The following IQCJ variants were observed in gnomAD, a reference collection of about 807,000 sequenced individuals.
The protein encoded by IQCJ is IQ motif containing J, also known as IQ domain-containing protein J.
Under a neutral mutation model 11.0 loss-of-function variants are expected in IQCJ, and 9 were observed. The ratio of observed to expected loss-of-function variants is 0.82; its 90% CI spans 0.49 to 1.43. The LOEUF (loss-of-function observed/expected upper bound fraction) is 1.43, where lower values mean the gene tolerates loss of function less well. IQCJ is among the 40% of genes most tolerant of loss of function. IQCJ has a pLI of 0.00. For missense variants in IQCJ, 146 were observed against 133.2 expected, an observed-to-expected ratio of 1.10 and a Z score of -0.47; for synonymous variants, 55 against 51.3, an observed-to-expected ratio of 1.07 and a Z score of -0.31.
chr3:159,202,708 G>A (rs2108070645), intron 1 of IQCJ, among the ~76,000 whole-genome samples: 1 of 152,196 alleles, frequency 6.6e-6, no homozygotes, highest in East Asian at 1.9e-4. Flanking sequence ...ATGTTGCCCA[G>A]GCCAGTTTCA....
intron 1 of IQCJ, among the ~76,000 whole-genome samples, chr3:159,184,671 C>G (rs1723284118): frequency 6.6e-6 from 1 of 152,188 alleles, no homozygotes; most frequent in South Asian, 2.1e-4. Context: ...CTGTTACATT[C>G]CATGGTTCTT....
downstream of IQCJ, among the ~76,000 whole-genome samples, chr3:159,264,874 G>A (rs554879149): frequency 2.2e-3 from 325 of 150,978 alleles, 4 homozygotes; most frequent in Middle Eastern, 3.4e-3. Flanking sequence ...CCGAGATTGC[G>A]CCACTGCACT....
intron 1 of IQCJ, among the ~76,000 whole-genome samples, chr3:159,169,655 G>A (rs921986320): frequency 6.6e-6 from 1 of 152,124 alleles, no homozygotes; most frequent in Non-Finnish European, 1.5e-5. Flanking sequence ...AAAAAGAGGG[G>A]CATTTAAGAA....
At chr3:159,092,816 A>T (rs1332924679) in intron 1 of IQCJ, among the ~76,000 whole-genome samples, 1 of 150,784 alleles carries the variant, frequency 6.6e-6, no homozygotes, top group East Asian at 1.9e-4. Flanking sequence ...TTTAGCCAGT[A>T]TAGTATATTG....
At chr3:159,226,615 C>A (rs150276700) in intron 1 of IQCJ, among the ~76,000 whole-genome samples, 1 of 152,124 alleles carries the variant, frequency 6.6e-6, no homozygotes, top group Non-Finnish European at 1.5e-5. Context: ...GGAACTTCTG[C>A]GAATCTTACT....
At chr3:159,170,856 T>A (rs1722450000) in intron 1 of IQCJ, among the ~76,000 whole-genome samples, 1 of 152,184 alleles carries the variant, frequency 6.6e-6, no homozygotes, top group South Asian at 2.1e-4. Flanking sequence ...AACAGTGAAG[T>A]CATCTGTCAT....
intron 1 of IQCJ, among the ~76,000 whole-genome samples, chr3:159,128,606 T>G (rs1267024404): frequency 6.6e-6 from 1 of 152,170 alleles, no homozygotes; most frequent in Non-Finnish European, 1.5e-5. Context: ...TGACCTCCCC[T>G]CTGTGTAAAA....
intron 1 of IQCJ, among the ~76,000 whole-genome samples, chr3:159,101,229 G>A (rs911589931): frequency 7.5e-4 from 111 of 147,572 alleles, no homozygotes; most frequent in African/African-American, 2.5e-3. Context: ...GCTTCGGCTC[G>A]CGCACGGTGC....
chr3:159,132,974 C>T (rs1359105848), intron 1 of IQCJ, among the ~76,000 whole-genome samples: 1 of 151,664 alleles, frequency 6.6e-6, no homozygotes, highest in South Asian at 2.1e-4. Flanking sequence ...TTTGAGCCAA[C>T]AAGCTCTGAG....
At chr3:159,264,732 C>T (rs370008980), downstream of IQCJ, among the ~76,000 whole-genome samples, 13 of 151,884 alleles carry the variant, frequency 8.6e-5, no homozygotes, top group East Asian at 3.9e-4. Context: ...GCTAACATAG[C>T]GAAACCCTGT....
intron 1 of IQCJ, among the ~76,000 whole-genome samples, chr3:159,233,591 A>C (rs1364051469): frequency 6.6e-6 from 1 of 152,216 alleles, no homozygotes; most frequent in African/African-American, 2.4e-5. Flanking sequence ...TGCAAGACTG[A>C]ATTTTTAATC....
chr3:159,131,898 T>A (rs1720011264), intron 1 of IQCJ, among the ~76,000 whole-genome samples: 1 of 152,092 alleles, frequency 6.6e-6, no homozygotes, highest in East Asian at 1.9e-4. Context: ...AGAGAGTACC[T>A]TCTTTTTATT....
At chr3:159,223,869 G>A (rs979362773) in intron 1 of IQCJ, among the ~76,000 whole-genome samples, 2 of 152,068 alleles carry the variant, frequency 1.3e-5, no homozygotes, top group Admixed American at 1.3e-4. Flanking sequence ...TATGTAAGGT[G>A]TATATGAAAC....
intron 1 of IQCJ, among the ~76,000 whole-genome samples, chr3:159,131,649 C>G (rs1255040631): frequency 6.6e-6 from 1 of 152,086 alleles, no homozygotes; most frequent in Non-Finnish European, 1.5e-5. Context: ...CTGGATGCCT[C>G]ACCATCCCTT....
At chr3:159,261,732 T>A (rs993325007) in intron 3 of IQCJ, among the ~76,000 whole-genome samples, 1 of 152,208 alleles carries the variant, frequency 6.6e-6, no homozygotes, top group African/African-American at 2.4e-5. Context: ...GGGGAATCAC[T>A]TAGCTTATAT....
rs139052828 is a variant in IQCJ, at chr3:159,238,492, T to C, written c.10-7351T>C. Among the ~76,000 whole-genome samples, 604 of 152,310 alleles carry C rather than the reference T, an allele frequency of 4.0e-3. 3 individuals are homozygous for C. Among genetic ancestry groups the C allele is most frequent in the Non-Finnish European group, 4.8e-3 (328 of 68,034 alleles). ...CCTCTTAGAATAACACATTTACTTATTCAACAGATAATATCAAGCACCTCT... is the reference window on the plus strand; with the variant it reads ...CCTCTTAGAATAACACATTTACTTACTCAACAGATAATATCAAGCACCTCT... On this transcript the variant is annotated intron_variant, in intron 1 of 3. Coordinates refer to ENST00000397832, the MANE Select transcript of IQCJ (RefSeq NM_001042706.3).
At chr3:159,205,287 T>C (rs905568562) in intron 1 of IQCJ, among the ~76,000 whole-genome samples, 11 of 152,162 alleles carry the variant, frequency 7.2e-5, no homozygotes, top group Admixed American at 7.2e-4. Context: ...AGAGGAAACA[T>C]AGGACAGAGT....
At chr3:159,184,908 TTCCAC>T (rs1369726191) in intron 1 of IQCJ, among the ~76,000 whole-genome samples, 27 of 152,138 alleles carry the variant, frequency 1.8e-4, no homozygotes, top group African/African-American at 6.3e-4. Flanking sequence ...TCTCCAAAAT[TTCCAC>T]TCTGGAGCCA....
At chr3:159,151,793 G>A (rs1205556641) in intron 1 of IQCJ, among the ~76,000 whole-genome samples, 1 of 152,234 alleles carries the variant, frequency 6.6e-6, no homozygotes, top group Admixed American at 6.5e-5. Context: ...CTGCCACCAC[G>A]TTTGCCTAAT....
Sources: allele counts gnomAD v4.1 joint callset (sites outside exome capture counted in the v4.1 genomes callset), GRCh38; gene constraint gnomAD v4.1.1; transcripts MANE v1.5; gene names NCBI Gene and HGNC (gene_info 2026-07-23, HGNC 2026-07-21).